The following ACOT7 variants were observed in gnomAD, a reference collection of about 807,000 sequenced individuals.
ACOT7 encodes the protein acyl-CoA thioesterase 7.
A neutral mutation model predicts 40.2 loss-of-function variants in ACOT7; 12 were observed. The observed-to-expected ratio is 0.30, with a 90% CI of 0.19 to 0.48. The LOEUF (loss-of-function observed/expected upper bound fraction) is 0.48, where lower values mean the gene tolerates loss of function less well. ACOT7 is among the 20% of genes least tolerant of loss of function. ACOT7 has a pLI of 0.99. For missense variants in ACOT7, 395 were observed against 530.8 expected, an observed-to-expected ratio of 0.74 and a Z score of 2.51; for synonymous variants, 228 against 219.5, an observed-to-expected ratio of 1.04 and a Z score of -0.34.
At chr1:6,300,422 A>G (rs1639934000) in intron 6 of ACOT7, among the ~76,000 whole-genome samples, 1 of 151,648 alleles carries the variant, frequency 6.6e-6, no homozygotes, top group African/African-American at 2.4e-5. Context: ...TTGTCTGTTC[A>G]CTGAGGCAGC....
rs1251264937 is a variant in ACOT7, at chr1:6,365,378, T to C, written c.144-15512A>G. The stretch of plus-strand genomic sequence containing the variant: ...TTGCACTTTATAATAAGTCACATGA[T>C]TTTTTTGGTTTCCCAGTGCACGTAA... On this transcript the variant is annotated intron_variant, in intron 1 of 8. Coordinates refer to ENST00000361521, the MANE Select transcript of ACOT7 (RefSeq NM_007274.4). Among the ~76,000 whole-genome samples, 3 of 152,276 alleles carry C rather than the reference T, an allele frequency of 2.0e-5. No homozygotes were observed. The South Asian group carries it at 6.2e-4, about 32-fold the overall frequency.
intron 1 of ACOT7, among the ~76,000 whole-genome samples, chr1:6,387,383 T>G: frequency 6.6e-6 from 1 of 152,164 alleles, no homozygotes; most frequent in East Asian, 1.9e-4. Context: ...AGTGATTCCT[T>G]AAAATCATTA....
chr1:6,306,542 C>T lies in ACOT7; in HGVS notation c.713-11562G>A. On this transcript the variant is annotated intron_variant, in intron 6 of 8. Coordinates refer to ENST00000361521, the MANE Select transcript of ACOT7 (RefSeq NM_007274.4). The surrounding 1 kb of genome is among the most constrained non-coding windows in gnomAD (Gnocchi z 4.3). The stretch of plus-strand genomic sequence containing the variant: ...GCATCAGGATGGACGTGAAGCTGTT[C>T]TTCAGAACAGAAGAACCTGGAGAAC... 2 of 985,406 alleles carry T rather than the reference C, an allele frequency of 2.0e-6. No individual in the cohort carries two copies. Among genetic ancestry groups the T allele is most frequent in the South Asian group, 4.7e-5 (1 of 21,284 alleles). The allele number at this position is 985,406 out of a possible 1,614,324, so 61.0% of individuals were successfully genotyped here.
rs1335360845 is a variant in ACOT7, at chr1:6,281,114, C to A, written c.1002G>T (p.Val334=). ...GATGCGCACTCACCACCAGCTGGGG[C>A]ACAGGCAGCGACCTGCCTTCCTGGC... ...SLSQEGRSLP[V]PQLVPETEDE... Residue 334 remains valine (V), a synonymous_variant, in exon 8 of 9, where the codon GTG becomes GTT. Transcript: ENST00000361521. 3 of 1,613,544 alleles carry A rather than the reference C, an allele frequency of 1.9e-6. No individual in the cohort carries two copies. Among genetic ancestry groups the A allele is most frequent in the Non-Finnish European group, 2.5e-6 (3 of 1,180,008 alleles).
At chr1:6,326,029 C>T (rs959419227) in intron 5 of ACOT7, among the ~76,000 whole-genome samples, 7 of 152,188 alleles carry the variant, frequency 4.6e-5, no homozygotes, top group African/African-American at 1.7e-4. Flanking sequence ...AACTCAAACA[C>T]CCACCATGAC....
chr1:6,356,582 G>A (rs1165721854), intron 1 of ACOT7, among the ~76,000 whole-genome samples: 13 of 152,134 alleles, frequency 8.5e-5, no homozygotes, highest in Admixed American at 2.0e-4. Flanking sequence ...CCCAGCACAC[G>A]ACCAGCTGGG....
chr1:6,314,968 C>T (rs909677253), intron 6 of ACOT7, among the ~76,000 whole-genome samples: 1 of 152,190 alleles, frequency 6.6e-6, no homozygotes, highest in Non-Finnish European at 1.5e-5. Flanking sequence ...TGACCCTCCA[C>T]ACCCTCGGGC....
At chr1:6,331,165 C>T (rs778096047) in intron 4 of ACOT7, among the ~76,000 whole-genome samples, 6 of 152,270 alleles carry the variant, frequency 3.9e-5, no homozygotes, top group South Asian at 2.1e-4. Context: ...GAACAAGAGA[C>T]GGGAGAGGTT....
chr1:6,279,033 C>T lies in ACOT7; in HGVS notation c.1014+2069G>A, dbSNP rs141709330. Among the ~76,000 whole-genome samples, 112 of 152,312 alleles carry T rather than the reference C, an allele frequency of 7.4e-4. No individual in the cohort carries two copies. The South Asian group carries it at 9.9e-3, about 14-fold the overall frequency. ...TCAGCATCAGGACAGACAGCAGCCA[C>T]GCTGAAAAGCGTCATGGGAGGGGCG... On this transcript the variant is annotated intron_variant, in intron 8 of 8. Coordinates refer to ENST00000361521, the MANE Select transcript of ACOT7 (RefSeq NM_007274.4).
At chr1:6,343,925 A>T (rs1641346357) in intron 2 of ACOT7, among the ~76,000 whole-genome samples, 1 of 152,252 alleles carries the variant, frequency 6.6e-6, no homozygotes, top group South Asian at 2.1e-4. Context: ...GGTGTGGGTC[A>T]GAGAAGCCTG....
chr1:6,384,471 C>A (rs1243986102), intron 1 of ACOT7, among the ~76,000 whole-genome samples: 1 of 151,848 alleles, frequency 6.6e-6, no homozygotes, highest in Non-Finnish European at 1.5e-5. Flanking sequence ...AGAATAACCA[C>A]AAAATTACCA....
Position 6,352,013 on chromosome 1 carries a change from C to T in ACOT7, c.144-2147G>A, listed in dbSNP as rs1460369540. On this transcript the variant is annotated intron_variant, in intron 1 of 8. Transcript: ENST00000361521. The surrounding 1 kb of genome is among the most constrained non-coding windows in gnomAD (Gnocchi z 4.5). ...GGAGTACATGCCAGGAACTGCAGAC[C>T]GCACGCCAGCTGGCTACCACGGGCC... 6.6e-6 allele frequency among the ~76,000 whole-genome samples: 1 copy of T among 152,142 alleles called. No homozygotes were observed. Among genetic ancestry groups the T allele is most frequent in the African/African-American group, 2.4e-5 (1 of 41,416 alleles).
At position 6,264,492 on chromosome 1, in the gene ACOT7, T is replaced by G. The variant is rs1188043596; in HGVS notation, c.*105A>C. 4 of 1,026,346 alleles carry G rather than the reference T, an allele frequency of 3.9e-6. No homozygotes were observed. In the African/African-American group the frequency reaches 4.8e-5, roughly 12 times the overall value. 63.6% of individuals were successfully genotyped at this position (1,026,346 alleles called of 1,614,324 possible). ...TACGAAAACTTCAGACAACACCAGC[T>G]CTCAATGTGAATTGGGTTTTTGGCC... On this transcript the variant is annotated 3_prime_UTR_variant, in exon 9 of 9. Transcript: ENST00000361521.
intron 1 of ACOT7, among the ~76,000 whole-genome samples, chr1:6,361,843 G>A (rs1158041297): frequency 6.6e-6 from 1 of 152,192 alleles, no homozygotes; most frequent in Non-Finnish European, 1.5e-5. Flanking sequence ...CTGGATGCCA[G>A]AAGCTGTGGC....
At chr1:6,370,480 A>G (rs1182947706) in intron 1 of ACOT7, among the ~76,000 whole-genome samples, 6 of 147,338 alleles carry the variant, frequency 4.1e-5, no homozygotes, top group Non-Finnish European at 7.5e-5. Context: ...TATTATTATT[A>G]TTATTATTAT....
At chr1:6,305,042 T>TC (rs1640092940) in intron 6 of ACOT7, among the ~76,000 whole-genome samples, 2 of 147,122 alleles carry the variant, frequency 1.4e-5, no homozygotes, top group South Asian at 4.3e-4. Flanking sequence ...CCCGCCTCCC[T>TC]CCCAGATGGG....
chr1:6,276,122 TG>T (rs1403217227), intron 8 of ACOT7, among the ~76,000 whole-genome samples: 5 of 152,124 alleles, frequency 3.3e-5, no homozygotes, highest in Non-Finnish European at 5.9e-5. Flanking sequence ...AGGCCCAGGC[TG>T]GGACCCACAA....
At chr1:6,354,593 G>T (rs1486472357) in intron 1 of ACOT7, among the ~76,000 whole-genome samples, 1 of 152,090 alleles carries the variant, frequency 6.6e-6, no homozygotes, top group Non-Finnish European at 1.5e-5. Flanking sequence ...GTTTGGGGAG[G>T]TCACCTCCCA....
intron 6 of ACOT7, among the ~76,000 whole-genome samples, chr1:6,309,814 C>T (rs1180853679): frequency 1.3e-5 from 2 of 152,114 alleles, no homozygotes; most frequent in Non-Finnish European, 2.9e-5. Context: ...CTTGAGTTCC[C>T]CATGGAGCAG....
Sources: gnomAD v4.1 joint callset for allele counts (sites outside exome capture counted in the v4.1 genomes callset) on GRCh38, gnomAD v4.1.1 for gene constraint, Gnocchi (gnomAD v3.1) non-coding constraint, MANE v1.5 for transcripts, NCBI Gene and HGNC (gene_info 2026-07-23, HGNC 2026-07-21) for gene names.